Variants in GRID2 observed in about 807,000 individuals in gnomAD.
The protein encoded by GRID2 is glutamate receptor ionotropic, delta-2.
Under a neutral mutation model 114.8 loss-of-function variants are expected in GRID2, and 33 were observed. The observed-to-expected ratio is 0.29, with a 90% CI of 0.22 to 0.38. The LOEUF (loss-of-function observed/expected upper bound fraction) is 0.38. GRID2 is among the 10% of genes least tolerant of loss of function. The probability of loss-of-function intolerance (pLI) is 1.00; values close to 1 mark genes in which losing one functional copy is unlikely to be tolerated. For synonymous variants in GRID2, 505 were observed against 449.9 expected (o/e 1.12, Z -1.55); for missense variants, 1,184 against 1,257.7 (o/e 0.94, Z 0.89).
At chr4:92,980,035 A>G (rs1754095441) in intron 2 of GRID2, among the ~76,000 whole-genome samples, 1 of 152,146 alleles carries the variant, frequency 6.6e-6, no homozygotes. Flanking sequence ...GATTTTTTCC[A>G]GGTTATATGT....
intron 2 of GRID2, among the ~76,000 whole-genome samples, chr4:92,684,218 A>G (rs1733790540): frequency 6.6e-6 from 1 of 152,058 alleles, no homozygotes. Flanking sequence ...TTAATATCTA[A>G]TTTCAGAGGT....
intron 14 of GRID2, among the ~76,000 whole-genome samples, chr4:93,714,675 T>C (rs1184610558): frequency 1.3e-5 from 2 of 152,264 alleles, no homozygotes; most frequent in Non-Finnish European, 2.9e-5. Flanking sequence ...ATTTCTCTAA[T>C]GAACAGTGAT....
chr4:93,457,435 A>G (rs1723310556), intron 11 of GRID2, among the ~76,000 whole-genome samples: 1 of 152,098 alleles, frequency 6.6e-6, no homozygotes, highest in Non-Finnish European at 1.5e-5. Flanking sequence ...TACATTTGTT[A>G]TTATAAGGAG....
chr4:92,896,593 G>T (rs1459262144), intron 2 of GRID2, among the ~76,000 whole-genome samples: 1 of 151,120 alleles, frequency 6.6e-6, no homozygotes, highest in African/African-American at 2.4e-5. Flanking sequence ...AAAAACTGAT[G>T]TAGTCGAGAA....
At chr4:93,016,346 ACT>A (rs1722712593) in intron 2 of GRID2, among the ~76,000 whole-genome samples, 1 of 151,812 alleles carries the variant, frequency 6.6e-6, no homozygotes, top group Non-Finnish European at 1.5e-5. Context: ...TAGATCAGTA[ACT>A]CTTCCTGAGT....
At chr4:92,814,734 G>C (rs535641711) in intron 2 of GRID2, among the ~76,000 whole-genome samples, 1 of 152,100 alleles carries the variant, frequency 6.6e-6, no homozygotes, top group African/African-American at 2.4e-5. Flanking sequence ...GCAACTTAAG[G>C]GGGTGTGGAA....
chr4:92,930,780 A>C (rs1750172258), intron 2 of GRID2, among the ~76,000 whole-genome samples: 1 of 151,084 alleles, frequency 6.6e-6, no homozygotes, highest in Admixed American at 6.6e-5. Flanking sequence ...ATAATTGTTA[A>C]CTTTCATTTG....
intron 2 of GRID2, among the ~76,000 whole-genome samples, chr4:92,871,175 C>A (rs1745245774): frequency 6.6e-6 from 1 of 152,008 alleles, no homozygotes; most frequent in East Asian, 1.9e-4. Flanking sequence ...CCTGGTTTAA[C>A]ATTCTGACTT....
intron 2 of GRID2, among the ~76,000 whole-genome samples, chr4:92,793,827 TCA>T (rs1452593717): frequency 2.0e-5 from 3 of 151,808 alleles, no homozygotes; most frequent in Non-Finnish European, 4.4e-5. Flanking sequence ...ACCCATTAGC[TCA>T]AGTCTTCATT....
intron 1 of GRID2, among the ~76,000 whole-genome samples, chr4:92,334,861 C>T (rs1727083372): frequency 6.6e-6 from 1 of 152,168 alleles, no homozygotes; most frequent in Non-Finnish European, 1.5e-5. Context: ...AGAGCTGAGC[C>T]AAGAAAATCA....
At chr4:92,484,620 T>C (rs1560662369) in intron 1 of GRID2, among the ~76,000 whole-genome samples, 1 of 151,928 alleles carries the variant, frequency 6.6e-6, no homozygotes, top group Non-Finnish European at 1.5e-5. Flanking sequence ...ACTTGTTGAA[T>C]AAAGAAGAAT....
At chr4:93,479,092 CA>C in intron 11 of GRID2, among the ~76,000 whole-genome samples, 1 of 152,114 alleles carries the variant, frequency 6.6e-6, no homozygotes, top group South Asian at 2.1e-4. Flanking sequence ...GTGAGTCACA[CA>C]ATTTTTTTTA....
At chr4:93,399,050 G>A (rs1765633343) in intron 9 of GRID2, among the ~76,000 whole-genome samples, 1 of 151,810 alleles carries the variant, frequency 6.6e-6, no homozygotes. Flanking sequence ...CGAATCTTGA[G>A]GCTTTACCTC....
rs1230544119 is a variant in GRID2 at position 92,652,619 on chromosome 4, C to T, written c.244+62333C>T. Among the ~76,000 whole-genome samples the T allele has an allele frequency of 2.3e-5, 3 of 133,264 alleles. 1 individual carries two copies. The highest frequency in any genetic ancestry group is 8.0e-5 in the African/African-American group (3 of 37,390). The allele number at this position is 133,264 out of a possible 152,430, so 87.4% of individuals were successfully genotyped here. A position where few individuals can be genotyped will look rare whatever the true frequency, so the allele number is the denominator to read the frequency against. On this transcript the variant is annotated intron_variant, in intron 2 of 15. Coordinates refer to ENST00000282020, the MANE Select transcript of GRID2 (RefSeq NM_001510.4). The stretch of plus-strand genomic sequence containing the variant: ...ATTGCTTGAGCCTGGAAAGTTGAGG[C>T]TGCAGTGAGCTGTCATTCCCTCCAA...
chr4:92,915,842 T>C (rs1748748836), intron 2 of GRID2, among the ~76,000 whole-genome samples: 2 of 152,154 alleles, frequency 1.3e-5, no homozygotes, highest in South Asian at 4.1e-4. Context: ...TTTCATATGA[T>C]TGTTGGCCAC....
intron 2 of GRID2, among the ~76,000 whole-genome samples, chr4:93,051,296 T>C (rs1181978243): frequency 6.6e-6 from 1 of 152,026 alleles, no homozygotes; most frequent in Non-Finnish European, 1.5e-5. Context: ...AGCAGTTGCT[T>C]TTGCTGGTAG....
chr4:93,244,380 C>T (rs1218387648), intron 8 of GRID2, among the ~76,000 whole-genome samples: 1 of 151,458 alleles, frequency 6.6e-6, no homozygotes, highest in African/African-American at 2.4e-5. Context: ...CTCAGATATA[C>T]TTAGAATCTT....
chr4:92,411,830 C>T (rs1464657560), intron 1 of GRID2, among the ~76,000 whole-genome samples: 2 of 151,372 alleles, frequency 1.3e-5, no homozygotes, highest in Admixed American at 1.3e-4. Flanking sequence ...CTCAGCTTCC[C>T]GAGTAGCTGG....
rs187992216 is a variant in GRID2, at chr4:93,724,457, T to A, written c.2361-44753T>A. Among the ~76,000 whole-genome samples the A allele has an allele frequency of 6.6e-5, 10 of 152,322 alleles. No homozygotes were observed. The East Asian group carries it at 1.9e-3, about 29-fold the overall frequency. On this transcript the variant is annotated intron_variant, in intron 14 of 15. Transcript: ENST00000282020. The stretch of plus-strand genomic sequence containing the variant: ...TCACACATATTCTTTTGTAGGTATG[T>A]AATATTTTATTAATTTTTTAAAAAA...
Sources: gnomAD v4.1 joint callset for allele counts (sites outside exome capture counted in the v4.1 genomes callset) on GRCh38, gnomAD v4.1.1 for gene constraint, MANE v1.5 for transcripts, NCBI Gene and HGNC (gene_info 2026-07-23, HGNC 2026-07-21) for gene names.